Variants in KLHL41 observed in about 807,000 individuals in gnomAD.
KLHL41 encodes the protein kelch like family member 41.
A neutral mutation model predicts 49.2 loss-of-function variants in KLHL41; 31 were observed. The ratio of observed to expected loss-of-function variants is 0.63; its 90% CI spans 0.47 to 0.85. The LOEUF is 0.85. Ranked by LOEUF, KLHL41 falls within the 40% of genes least tolerant of loss-of-function variation. The pLI, the probability that KLHL41 is intolerant of heterozygous loss-of-function variation, is 0.00. For synonymous variants in KLHL41, 218 were observed against 258.5 expected (o/e 0.84, Z 1.50); for missense variants, 663 against 726.7 (o/e 0.91, Z 1.01).
intron 5 of KLHL41, among the ~76,000 whole-genome samples, chr2:169,522,007 A>G (rs977926530): frequency 9.2e-5 from 14 of 151,966 alleles, no homozygotes; most frequent in African/African-American, 3.4e-4. Context: ...AAGAAAAAAA[A>G]AAAAAGAAAA....
Position 169,509,872 on chromosome 2 carries a change from T to A in KLHL41, c.94T>A (p.Phe32Ile). Reference sequence around the variant, plus strand: ...AAAAGATCTCCTGGATGAGAAAAAATTCATCGATTGCACCCTAAAAGCAGG... The same window carrying A: ...AAAAGATCTCCTGGATGAGAAAAAAATCATCGATTGCACCCTAAAAGCAGG... ...GLKDLLDEKK[F>I]IDCTLKAGDK... Residue 32 changes from phenylalanine to isoleucine, a missense_variant, in exon 1 of 6, where the codon TTC (phenylalanine) becomes ATC (isoleucine). Transcript: ENST00000284669. 1 of 1,614,144 alleles carries A rather than the reference T, an allele frequency of 6.2e-7. No homozygotes were observed. Among genetic ancestry groups the A allele is most frequent in the Non-Finnish European group, 8.5e-7 (1 of 1,180,040 alleles).
intron 3 of KLHL41, among the ~76,000 whole-genome samples, chr2:169,515,360 A>G (rs1316464724): frequency 6.6e-6 from 1 of 152,054 alleles, no homozygotes; most frequent in Non-Finnish European, 1.5e-5. Context: ...GGATCTGCAC[A>G]CTAAAATGGG....
Position 169,510,064 on chromosome 2 carries a change from A to G in KLHL41, c.286A>G (p.Ile96Val). ...CATCAAATACCTGTACTCTGCCAGT[A>G]TTGATCTCAATGACGGAAATGTGCA... ...LIIKYLYSAS[I>V]DLNDGNVQDI... Residue 96 changes from isoleucine to valine, a missense_variant, in exon 1 of 6, where the codon ATT (isoleucine) becomes GTT (valine). This residue lies in a region of KLHL41 where 129 missense variants were observed against 122.1 expected (regional missense o/e 1.06). Coordinates refer to ENST00000284669, the MANE Select transcript of KLHL41 (RefSeq NM_006063.3). This position sits in a 1 kb window ranked among gnomAD's most constrained non-coding sequence, Gnocchi z 4.2. 6.2e-7 allele frequency: 1 copy of G among 1,614,168 alleles called. No homozygotes were observed. The highest frequency in any genetic ancestry group is 8.5e-7 in the Non-Finnish European group (1 of 1,180,030).
chr2:169,515,346 C>T (rs947339337), intron 3 of KLHL41, among the ~76,000 whole-genome samples: 1 of 151,916 alleles, frequency 6.6e-6, no homozygotes, highest in Non-Finnish European at 1.5e-5. Context: ...TCCTCTTTTC[C>T]TTTGGATCTG....
Position 169,518,329 on chromosome 2 carries a change from G to A in KLHL41, c.1516G>A (p.Asp506Asn). 4 of 1,613,978 alleles carry A rather than the reference G, an allele frequency of 2.5e-6. No homozygotes were observed. Among genetic ancestry groups the A allele is most frequent in the East Asian group, 2.2e-5 (1 of 44,870 alleles). ...KIVIAGGVTE[D>N]GLSASVEAFD... ...TGTGATTGCAGGAGGTGTCACTGAAGATGGTCTTTCAGCTTCAGTTGAAGC... is the reference window on the plus strand; with the variant it reads ...TGTGATTGCAGGAGGTGTCACTGAAAATGGTCTTTCAGCTTCAGTTGAAGC... The change falls in exon 4 of 6, where the codon GAT (aspartate) becomes AAT (asparagine). Residue 506 changes from aspartate to asparagine, a missense_variant. By Grantham distance (23) the Asp-to-Asn change is conservative (BLOSUM62 1). Around this residue, in one of 3 missense-constraint regions of KLHL41, gnomAD observed 528 missense variants for 581.0 expected, o/e 0.91. Coordinates refer to ENST00000284669, the MANE Select transcript of KLHL41 (RefSeq NM_006063.3).
chr2:169,525,442 A>T, intron 5 of KLHL41, 143 bp from the exon 6 acceptor site: 1 of 592,506 alleles, frequency 1.7e-6, no homozygotes, highest in Non-Finnish European at 3.0e-6. Context: ...GGAGATATTT[A>T]AGTTCTGTTC....
intron 3 of KLHL41, 149 bp downstream of exon 3, chr2:169,515,110 T>A: frequency 2.0e-6 from 1 of 497,944 alleles, no homozygotes; most frequent in East Asian, 3.8e-5. Context: ...CTCGGCTCAC[T>A]GCAACCGCCG....
chr2:169,515,239 G>T (rs1684098281), intron 3 of KLHL41, among the ~76,000 whole-genome samples: 1 of 151,878 alleles, frequency 6.6e-6, no homozygotes, highest in African/African-American at 2.4e-5. Flanking sequence ...CTCCATGTTG[G>T]TCAGGCTGGT....
rs1283432702 is a variant in KLHL41, at chr2:169,520,848, T to C, written c.1563-13T>C. The C allele has an allele frequency of 6.3e-7, 1 of 1,579,342 alleles. No individual in the cohort carries two copies. Among genetic ancestry groups the C allele is most frequent in the South Asian group, 1.1e-5 (1 of 87,760 alleles). On this transcript the variant is annotated splice_polypyrimidine_tract_variant and intron_variant, in intron 4 of 5. Transcript: ENST00000284669. The stretch of plus-strand genomic sequence containing the variant: ...TTAAGTTTTACATTGACTATATTTT[T>C]AATGATACCTAGATGGGATGTAATG...
At position 169,510,898 on chromosome 2, in the gene KLHL41, A is replaced by G. The variant is rs370339587; in HGVS notation, c.1110+10A>G. ...GTCATACTTCTTCCAGGTAAGAAGG[A>G]CTTTTTGTATATGTAGTTGCTTAAA... On this transcript the variant is annotated intron_variant, in intron 1 of 5. Coordinates refer to ENST00000284669, the MANE Select transcript of KLHL41 (RefSeq NM_006063.3). The surrounding 1 kb of genome is among the most constrained non-coding windows in gnomAD (Gnocchi z 4.2). 5.0e-6 allele frequency: 8 copies of G among 1,607,012 alleles called. No individual in the cohort carries two copies. The East Asian group carries it at 8.9e-5, about 18-fold the overall frequency.
Position 169,510,643 on chromosome 2 carries a change from C to G in KLHL41, c.865C>G (p.Pro289Ala). The change falls in exon 1 of 6, where the codon CCT becomes GCT. Residue 289 changes from proline to alanine, a missense_variant. Pro to Ala is a conservative substitution (Grantham distance 27). Around this residue, in one of 3 missense-constraint regions of KLHL41, gnomAD observed 528 missense variants for 581.0 expected, o/e 0.91. Coordinates refer to ENST00000284669, the MANE Select transcript of KLHL41 (RefSeq NM_006063.3). This position sits in a 1 kb window ranked among gnomAD's most constrained non-coding sequence, Gnocchi z 4.2. The part of the protein sequence containing the change: ...NGDVGDEDLL[P>A]GYLNDIPRHG... ...TGATGTTGGTGATGAAGATTTACTT[C>G]CTGGTTACCTGAATGACATTCCCAG... 6.2e-7 allele frequency: 1 copy of G among 1,614,094 alleles called. No homozygotes were observed. The highest frequency in any genetic ancestry group is 8.5e-7 in the Non-Finnish European group (1 of 1,180,008).
In KLHL41 at chr2:169,518,334, T is replaced by A; in HGVS notation, c.1521T>A (p.Gly507=). 6.2e-7 allele frequency: 1 copy of A among 1,613,726 alleles called. No individual in the cohort carries two copies. The highest frequency in any genetic ancestry group is 8.5e-7 in the Non-Finnish European group (1 of 1,179,824). ...TTGCAGGAGGTGTCACTGAAGATGG[T>A]CTTTCAGCTTCAGTTGAAGCTTTTG... is the stretch of plus-strand genomic sequence containing the variant. The part of the protein sequence containing the change: ...IVIAGGVTED[G]LSASVEAFDL... The change falls in exon 4 of 6, where the codon GGT becomes GGA. Residue 507 remains glycine, a synonymous_variant. Transcript: ENST00000284669.
Position 169,521,000 on chromosome 2 carries a change from A to C in KLHL41, c.1702A>C (p.Ile568Leu). The C allele has an allele frequency of 6.2e-7, 1 of 1,613,100 alleles. No homozygotes were observed. ...KEFAPTEVND[I>L]WKYEDDKKEW... ...ATTTGCACCCACTGAAGTCAATGAC[A>C]TATGGAAGTAAGTTCTCATCACTTC... Residue 568 changes from isoleucine to leucine, a missense_variant, in exon 5 of 6, where the codon ATA becomes CTA. Physicochemically the swap from Ile to Leu is conservative, Grantham distance 5. Coordinates refer to ENST00000284669, the MANE Select transcript of KLHL41 (RefSeq NM_006063.3).
At chr2:169,512,134 C>A (rs1489693291) in intron 1 of KLHL41, among the ~76,000 whole-genome samples, 1 of 152,142 alleles carries the variant, frequency 6.6e-6, no homozygotes, top group Non-Finnish European at 1.5e-5. Context: ...TACTATTATA[C>A]CTTTAATCAA....
At chr2:169,514,288 A>G in intron 1 of KLHL41, 1 of 268,092 alleles carries the variant, frequency 3.7e-6, no homozygotes. Flanking sequence ...AAATTTGACA[A>G]GAAACCTCAC....
chr2:169,523,839 T>G (rs1188212406), intron 5 of KLHL41, among the ~76,000 whole-genome samples: 2 of 152,086 alleles, frequency 1.3e-5, no homozygotes, highest in African/African-American at 4.8e-5. Context: ...GCGATCTGTG[T>G]TTGCACAAAC....
In KLHL41 at chr2:169,510,588, C is replaced by G. The variant is rs753570525; in HGVS notation, c.810C>G (p.Ala270=). ...AGKLPEPSKN[A]AKTGAGEVNG... ...AACTCCCAGAACCTAGCAAAAATGCCGCGAAGACTGGGGCTGGTGAGGTGA... is the reference window on the plus strand; with the variant it reads ...AACTCCCAGAACCTAGCAAAAATGCGGCGAAGACTGGGGCTGGTGAGGTGA... Residue 270 remains alanine (A), a synonymous_variant, in exon 1 of 6, where the codon GCC becomes GCG. Coordinates refer to ENST00000284669, the MANE Select transcript of KLHL41 (RefSeq NM_006063.3). This position sits in a 1 kb window ranked among gnomAD's most constrained non-coding sequence, Gnocchi z 4.2. The G allele has an allele frequency of 2.5e-6, 4 of 1,613,938 alleles. No individual in the cohort carries two copies. The South Asian group carries it at 4.4e-5, about 18-fold the overall frequency.
At chr2:169,520,172 G>C (rs1374576676) in intron 4 of KLHL41, among the ~76,000 whole-genome samples, 1 of 144,146 alleles carries the variant, frequency 6.9e-6, no homozygotes, top group Non-Finnish European at 1.5e-5. Context: ...GTGTGTGTGT[G>C]TGTGTGTGTG....
intron 3 of KLHL41, among the ~76,000 whole-genome samples, chr2:169,517,478 C>T (rs1684134005): frequency 6.6e-6 from 1 of 152,204 alleles, no homozygotes; most frequent in Admixed American, 6.5e-5. Context: ...ATGGCACATG[C>T]CTGTGTTCCC....
Sources: allele counts gnomAD v4.1 joint callset (sites outside exome capture counted in the v4.1 genomes callset), GRCh38; gene constraint gnomAD v4.1.1; regional missense constraint gnomAD v4.1.1; non-coding constraint Gnocchi (gnomAD v3.1); transcripts MANE v1.5; gene names NCBI Gene and HGNC (gene_info 2026-07-23, HGNC 2026-07-21).